KLHL15: variants seen among roughly 807,000 people sequenced by gnomAD.
The protein encoded by KLHL15 is kelch like family member 15.
In KLHL15, 1 loss-of-function variant was observed where a neutral mutation model predicts 29.3. The observed-to-expected ratio is 0.03, with a 90% CI of 0.01 to 0.16. KLHL15 has a LOEUF of 0.16. Ranked by LOEUF, KLHL15 falls within the 10% of genes least tolerant of loss-of-function variation. KLHL15 has a pLI of 1.00. For synonymous variants in KLHL15, 212 were observed against 184.5 expected (o/e 1.15, Z -1.21); for missense variants, 215 against 478.5 (o/e 0.45, Z 5.14).
At chrX:24,020,420 G>A (rs989811323) in intron 2 of KLHL15, among the ~76,000 whole-genome samples, 2 of 111,662 alleles carry the variant, frequency 1.8e-5, no homozygotes, top group African/African-American at 6.5e-5. Context: ...TTTAATACTG[G>A]AAATTCTTTC....
intron 2 of KLHL15, among the ~76,000 whole-genome samples, chrX:24,022,741 C>G: frequency 1.0e-5 from 1 of 100,199 alleles, no homozygotes; most frequent in East Asian, 3.3e-4. Flanking sequence ...TTTTTTGAGA[C>G]GGAGTTTTGC....
intron 2 of KLHL15, among the ~76,000 whole-genome samples, chrX:24,012,883 G>A (rs1298532175): frequency 7.2e-5 from 8 of 111,481 alleles, no homozygotes; most frequent in Non-Finnish European, 1.3e-4. Flanking sequence ...ATCTAAGACA[G>A]CAAAGTATGT....
chrX:23,997,730 CAAAAAAAA>C (rs59857010), intron 3 of KLHL15, among the ~76,000 whole-genome samples: 21 of 24,243 alleles, frequency 8.7e-4, no homozygotes, highest in African/African-American at 2.8e-3. Context: ...GACTCTGTCT[CAAAAAAAA>C]AAAAAAAAAA....
chrX:23,999,466 G>A (rs959862570), intron 3 of KLHL15, among the ~76,000 whole-genome samples: 4 of 108,509 alleles, frequency 3.7e-5, no homozygotes, highest in Non-Finnish European at 5.7e-5. Context: ...GCGGTGGCGG[G>A]CGCCTGTAAT....
Position 24,026,148 on chromosome X carries a change from A to G in KLHL15, c.-210+992T>C, listed in dbSNP as rs888631546. ...TTTGTAAGGCAACTTGCAGTGGACT[A>G]TTGCGTCACTGTCCACTTGGCTTAC... On this transcript the variant is annotated intron_variant, in intron 1 of 3. Transcript: ENST00000328046. Among the ~76,000 whole-genome samples the G allele has an allele frequency of 6.3e-5, 7 of 111,993 alleles. No individual in the cohort carries two copies. The East Asian group carries it at 8.4e-4, about 14-fold the overall frequency.
At chrX:24,015,856 G>C (rs200836496) in intron 2 of KLHL15, among the ~76,000 whole-genome samples, 10 of 110,464 alleles carry the variant, frequency 9.1e-5, no homozygotes, top group Non-Finnish European at 1.3e-4. Context: ...AAAATTAGCC[G>C]GGCATGGTAG....
rs1364589430 is a variant in KLHL15 at position 23,989,148 on chromosome X, A to C, written c.706-118T>G. The C allele has an allele frequency of 5.3e-6, 3 of 563,787 alleles. No individual in the cohort carries two copies. The East Asian group carries it at 1.1e-4, about 21-fold the overall frequency. 46.5% of individuals were successfully genotyped at this position (563,787 alleles called of 1,213,427 possible). A position where few individuals can be genotyped will look rare whatever the true frequency, so the allele number is the denominator to read the frequency against. Reference sequence around the variant, plus strand: ...CTTTACTAAAACTGCTTTTCCTGCTAAGATCACCTACTTTCTTTTGTTTTC... The same window carrying C: ...CTTTACTAAAACTGCTTTTCCTGCTCAGATCACCTACTTTCTTTTGTTTTC... On this transcript the variant is annotated intron_variant, in intron 3 of 3. Coordinates refer to ENST00000328046, the MANE Select transcript of KLHL15 (RefSeq NM_030624.3).
chrX:23,992,442 T>A, intron 3 of KLHL15, among the ~76,000 whole-genome samples: 1 of 112,233 alleles, frequency 8.9e-6, no homozygotes, highest in Non-Finnish European at 1.9e-5. Flanking sequence ...TTCAGAAGAC[T>A]GAGGAGAAAT....
chrX:24,012,253 G>A (rs12011376), intron 2 of KLHL15, among the ~76,000 whole-genome samples: 11,541 of 112,282 alleles, frequency 0.1, 680 homozygotes, highest in African/African-American at 0.23. Context: ...TCCAATGAAA[G>A]TGTATTACTG....
At position 23,995,406 on chromosome X, in the gene KLHL15, C is replaced by CAAA. The variant is rs144296339; in HGVS notation, c.706-6379_706-6377dup. Among the ~76,000 whole-genome samples, 331 of 34,660 alleles carry CAAA rather than the reference C, an allele frequency of 9.5e-3. 5 individuals are homozygous for CAAA. The highest frequency in any genetic ancestry group is 0.024 in the African/African-American group (209 of 8,682). 30.1% of individuals were successfully genotyped at this position (34,660 alleles called of 115,157 possible). ...TGGGCAACAGAGCGAGACTCTGTCT[C>CAAA]AAAAAAAAAAAAAAAAAAAAGGCTG... On this transcript the variant is annotated intron_variant, in intron 3 of 3. Transcript: ENST00000328046.
At position 24,006,227 on chromosome X, in the gene KLHL15, G is replaced by A. The variant is rs779952638; in HGVS notation, c.467C>T (p.Thr156Ile). Residue 156 changes from threonine (T) to isoleucine (I), a missense_variant, in exon 3 of 4, where the codon ACC becomes ATC. Thr to Ile is a moderately conservative substitution (Grantham distance 89). Transcript: ENST00000328046. ...TGGCACAAAGTTGTCTAGCAGAAAG[G>A]TGTCTAACTTCTCCCTGACTCCCTC... ...NIEGVREKLD[T>I]FLLDNFVPLM... The A allele has an allele frequency of 8.3e-7, 1 of 1,209,178 alleles. No homozygotes were observed. Among genetic ancestry groups the A allele is most frequent in the East Asian group, 3.0e-5 (1 of 33,773 alleles).
intron 3 of KLHL15, among the ~76,000 whole-genome samples, chrX:23,995,494 A>AT (rs889442808): frequency 1.8e-5 from 2 of 108,707 alleles, no homozygotes; most frequent in South Asian, 4.0e-4. Context: ...TTAATTCCAG[A>AT]TTTTTTAATC....
rs998600765 is a variant in KLHL15 at position 23,986,768 on chromosome X, G to C, written c.*1153C>G. The C allele has an allele frequency of 3.6e-5, 4 of 111,812 alleles. No individual in the cohort carries two copies. Among genetic ancestry groups the C allele is most frequent in the Non-Finnish European group, 5.6e-5 (3 of 53,133 alleles). 9.2% of individuals were successfully genotyped at this position (111,812 alleles called of 1,213,427 possible). On this transcript the variant is annotated 3_prime_UTR_variant, in exon 4 of 4. Coordinates refer to ENST00000328046, the MANE Select transcript of KLHL15 (RefSeq NM_030624.3). The stretch of plus-strand genomic sequence containing the variant: ...TTTCTTACCTCTAAGTCAAAACTGA[G>C]GTCAAATTTTCTAAGAGTTTCTACC...
intron 3 of KLHL15, among the ~76,000 whole-genome samples, chrX:23,993,756 C>T (rs1929130299): frequency 9.1e-6 from 1 of 110,124 alleles, no homozygotes. Flanking sequence ...TGGTCGGGCA[C>T]GGTGGCTCAC....
At chrX:24,013,390 G>T (rs956531269) in intron 2 of KLHL15, among the ~76,000 whole-genome samples, 1 of 110,927 alleles carries the variant, frequency 9.0e-6, no homozygotes, top group African/African-American at 3.3e-5. Flanking sequence ...AGCCTGCCAA[G>T]TAGCTGGGAT....
At chrX:23,991,451 G>A in intron 3 of KLHL15, among the ~76,000 whole-genome samples, 1 of 110,081 alleles carries the variant, frequency 9.1e-6, no homozygotes, top group Middle Eastern at 4.6e-3. Context: ...CCCGGGAGGT[G>A]GAGGTTACAG....
intron 2 of KLHL15, among the ~76,000 whole-genome samples, 153 bp from the exon 3 acceptor site, chrX:24,006,853 T>C (rs1207187432): frequency 8.9e-6 from 1 of 112,046 alleles, no homozygotes; most frequent in Non-Finnish European, 1.9e-5. Context: ...TCTAAAGGTT[T>C]GCAGACTAAT....
chrX:24,025,334 G>C (rs1929903722), intron 1 of KLHL15, among the ~76,000 whole-genome samples: 1 of 108,800 alleles, frequency 9.2e-6, no homozygotes. Flanking sequence ...GCCGGGGGTG[G>C]AGGAAGGCGG....
intron 2 of KLHL15, among the ~76,000 whole-genome samples, chrX:24,010,210 A>G (rs1929547433): frequency 9.0e-6 from 1 of 110,724 alleles, no homozygotes; most frequent in Non-Finnish European, 1.9e-5. Context: ...TTAACTGTCA[A>G]CTTCCTACTT....
Sources: allele counts gnomAD v4.1 joint callset (sites outside exome capture counted in the v4.1 genomes callset), GRCh38; gene constraint gnomAD v4.1.1; transcripts MANE v1.5; gene names NCBI Gene and HGNC (gene_info 2026-07-23, HGNC 2026-07-21).